The following SOD2 variants were observed in gnomAD, a reference collection of about 807,000 sequenced individuals.
The protein encoded by SOD2 is superoxide dismutase 2, also known as superoxide dismutase [Mn], mitochondrial.
Under a neutral mutation model 27.0 loss-of-function variants are expected in SOD2, and 11 were observed. The observed-to-expected ratio is 0.41, with a 90% CI of 0.26 to 0.67. The LOEUF is 0.67. SOD2 is among the 30% of genes least tolerant of loss of function. The probability of loss-of-function intolerance (pLI) is 0.34; values close to 1 mark genes in which losing one functional copy is unlikely to be tolerated. For missense variants in SOD2, 250 were observed against 274.5 expected (o/e 0.91, Z 0.63); for synonymous variants, 105 against 103.0 (o/e 1.02, Z -0.12).
At chr6:159,738,819 A>G (rs1193935766) in intron 1 of SOD2, among the ~76,000 whole-genome samples, 1 of 151,420 alleles carries the variant, frequency 6.6e-6, no homozygotes, top group Non-Finnish European at 1.5e-5. Context: ...TAAGATACCA[A>G]ATAGTTTACC....
exon 1 of SOD2, chr6:159,761,784 T>C: frequency 3.8e-6 from 1 of 260,918 alleles, no homozygotes; most frequent in South Asian, 3.9e-5. Flanking sequence ...GCTCTGTAAA[T>C]GCGTCCGAGG....
rs1197823408 is a variant in SOD2, at chr6:159,675,794, C to G, written c.*6699G>C. ...GCTTCTGCACAGCAAAAGAAACTAC[C>G]ATCAGAGTGAACAGGCAACCTACAA... On this transcript the variant is annotated 3_prime_UTR_variant, in exon 5 of 5. Coordinates refer to ENST00000538183, the MANE Select transcript of SOD2 (RefSeq NM_000636.4). 6.6e-6 allele frequency: 1 copy of G among 152,136 alleles called. No individual in the cohort carries two copies. The highest frequency in any genetic ancestry group is 1.5e-5 in the Non-Finnish European group (1 of 68,026). 9.4% of individuals were successfully genotyped at this position (152,136 alleles called of 1,614,324 possible). A position where few individuals can be genotyped will look rare whatever the true frequency, so the allele number is the denominator to read the frequency against.
chr6:159,690,523 A>C (rs2114786160), intron 2 of SOD2, among the ~76,000 whole-genome samples: 1 of 152,280 alleles, frequency 6.6e-6, no homozygotes, highest in South Asian at 2.1e-4. Context: ...TTAGCGATTC[A>C]GAAAGGAGAG....
intron 1 of SOD2, chr6:159,756,155 C>T (rs952084491): frequency 6.5e-6 from 1 of 153,144 alleles, no homozygotes; most frequent in East Asian, 1.9e-4. Context: ...TTCCACCATA[C>T]ATCTGTGCAT....
At chr6:159,748,175 C>A, upstream of SOD2, 2 of 1,607,208 alleles carry the variant, frequency 1.2e-6, no homozygotes, top group African/African-American at 2.7e-5. This position sits in a 1 kb window ranked among gnomAD's most constrained non-coding sequence, Gnocchi z 5.6. Flanking sequence ...GTAATTGTTT[C>A]TTTTGCTTTG....
At chr6:159,686,165 C>T (rs1780177112) in intron 3 of SOD2, among the ~76,000 whole-genome samples, 1 of 152,156 alleles carries the variant, frequency 6.6e-6, no homozygotes, top group Admixed American at 6.6e-5. Flanking sequence ...GGGTCAAAAT[C>T]TCACTTCTCT....
chr6:159,678,737 C>T lies in SOD2; in HGVS notation c.*3756G>A, dbSNP rs900473256. ...AGCCAGTCAGAAGTATAGGGACTTG[C>T]GATTGGTATCTGGAGTGGGGGCAGT... is the stretch of plus-strand genomic sequence containing the variant. On this transcript the variant is annotated 3_prime_UTR_variant, in exon 5 of 5. Coordinates refer to ENST00000538183, the MANE Select transcript of SOD2 (RefSeq NM_000636.4). 2.6e-5 allele frequency: 4 copies of T among 152,130 alleles called. No homozygotes were observed. Among genetic ancestry groups the T allele is most frequent in the Non-Finnish European group, 4.4e-5 (3 of 68,018 alleles). 9.4% of individuals were successfully genotyped at this position (152,130 alleles called of 1,614,324 possible). A position where few individuals can be genotyped will look rare whatever the true frequency, so the allele number is the denominator to read the frequency against.
At chr6:159,742,846 A>G (rs1288724762) in intron 1 of SOD2, among the ~76,000 whole-genome samples, 3 of 151,914 alleles carry the variant, frequency 2.0e-5, no homozygotes, top group Non-Finnish European at 4.4e-5. Context: ...ACTTGAGCCC[A>G]GGAGTTTGAG....
intron 1 of SOD2, chr6:159,725,502 G>C (rs1778139891): frequency 6.8e-6 from 1 of 146,840 alleles, no homozygotes; most frequent in Non-Finnish European, 1.5e-5. Context: ...AAAACCCAAA[G>C]AATAATTATT....
rs1431942246 is a variant in SOD2 at position 159,754,994 on chromosome 6, G to A, written c.-336+6043C>T. 5 of 1,549,196 alleles carry A rather than the reference G, an allele frequency of 3.2e-6. No homozygotes were observed. In the African/African-American group the frequency reaches 4.1e-5, roughly 13 times the overall value. The stretch of plus-strand genomic sequence containing the variant: ...AGAAACATTTTTCAATGTTATAAAC[G>A]ATATTAAAGTTGGTCTGACTCTCCT... On this transcript the variant is annotated intron_variant, in intron 1 of 7. Coordinates refer to the SOD2 transcript ENST00000546087.
upstream of SOD2, chr6:159,748,828 C>T (rs1349187151): frequency 8.2e-7 from 1 of 1,226,588 alleles, no homozygotes; most frequent in African/African-American, 1.6e-5. This position sits in a 1 kb window ranked among gnomAD's most constrained non-coding sequence, Gnocchi z 5.6. Flanking sequence ...ATATGCATCG[C>T]TCTTAACCTT....
chr6:159,710,756 T>A (rs948705949), intron 1 of SOD2, among the ~76,000 whole-genome samples: 7 of 137,606 alleles, frequency 5.1e-5, no homozygotes, highest in Non-Finnish European at 1.1e-4. Flanking sequence ...CCACCACTCA[T>A]ACTGCTCTGA....
chr6:159,703,013 C>T (rs1300073812), intron 1 of SOD2, among the ~76,000 whole-genome samples: 4 of 151,770 alleles, frequency 2.6e-5, no homozygotes, highest in Middle Eastern at 3.4e-3. Context: ...GAAACCTCAT[C>T]TTTAAAAAAA....
chr6:159,724,879 A>T (rs752650042), intron 1 of SOD2, among the ~76,000 whole-genome samples: 1 of 140,046 alleles, frequency 7.1e-6, no homozygotes, highest in Non-Finnish European at 1.6e-5. Context: ...AAGAAAAGCA[A>T]GAGAAGGGAA....
intron 1 of SOD2, among the ~76,000 whole-genome samples, chr6:159,744,713 T>C (rs1198467860): frequency 3.3e-5 from 5 of 152,120 alleles, no homozygotes; most frequent in Admixed American, 6.6e-5. Flanking sequence ...TACTTTTTTT[T>C]CCCACTAACC....
chr6:159,678,982 T>C lies in SOD2; in HGVS notation c.*3511A>G, dbSNP rs554069025. The C allele has an allele frequency of 4.2e-4, 64 of 152,356 alleles. No homozygotes were observed. Among genetic ancestry groups the C allele is most frequent in the African/African-American group, 1.5e-3 (62 of 41,588 alleles). 9.4% of individuals were successfully genotyped at this position (152,356 alleles called of 1,614,324 possible). On this transcript the variant is annotated 3_prime_UTR_variant, in exon 5 of 5. Coordinates refer to ENST00000538183, the MANE Select transcript of SOD2 (RefSeq NM_000636.4). ...ATGTTATTACAGATATGACTGGAGA[T>C]ACAGGTCTTGGTCTTAAGAGTAATA...
intron 1 of SOD2, chr6:159,726,753 C>T (rs1015217554): frequency 2.3e-6 from 3 of 1,287,196 alleles, no homozygotes; most frequent in Admixed American, 2.3e-5. Flanking sequence ...CTCGATGCGT[C>T]TCCAGAGATG....
At chr6:159,755,791 G>C (rs1444545373) in intron 1 of SOD2, 3 of 419,552 alleles carry the variant, frequency 7.2e-6, no homozygotes, top group African/African-American at 7.5e-5. Flanking sequence ...TTTTTTTTTT[G>C]CTTCAATACT....
chr6:159,725,621 T>C (rs1228170306), intron 1 of SOD2: 1 of 152,050 alleles, frequency 6.6e-6, no homozygotes, highest in East Asian at 1.9e-4. Context: ...TTTTTGGCTA[T>C]GTAAAACTAA....
Sources: gnomAD v4.1 joint callset for allele counts (sites outside exome capture counted in the v4.1 genomes callset) on GRCh38, gnomAD v4.1.1 for gene constraint, Gnocchi (gnomAD v3.1) non-coding constraint, MANE v1.5 for transcripts, NCBI Gene and HGNC (gene_info 2026-07-23, HGNC 2026-07-21) for gene names.